ELMO1: variants seen among roughly 807,000 people sequenced by gnomAD.
The protein encoded by ELMO1 is engulfment and cell motility 1.
A neutral mutation model predicts 98.9 loss-of-function variants in ELMO1; 26 were observed. The ratio of observed to expected loss-of-function variants is 0.26; its 90% CI spans 0.19 to 0.36. The LOEUF (loss-of-function observed/expected upper bound fraction) is 0.36, where lower values mean the gene tolerates loss of function less well. Ranked by LOEUF, ELMO1 falls within the 10% of genes least tolerant of loss-of-function variation. ELMO1 has a pLI of 1.00. For synonymous variants in ELMO1, 346 were observed against 346.0 expected, an observed-to-expected ratio of 1.00 and a Z score of 0.00; for missense variants, 627 against 935.2, an observed-to-expected ratio of 0.67 and a Z score of 4.30.
chr7:37,398,459 G>C (rs949409450), intron 1 of ELMO1, among the ~76,000 whole-genome samples: 2 of 152,200 alleles, frequency 1.3e-5, no homozygotes, highest in Non-Finnish European at 2.9e-5. Flanking sequence ...GCAACTCAGG[G>C]AGGAACCAGA....
rs138709362 is a variant in ELMO1, at chr7:37,254,147, C to A, written c.413+5034G>T. Among the ~76,000 whole-genome samples the A allele has an allele frequency of 8.1e-3, 1,233 of 152,254 alleles. 19 individuals carry two copies. The highest frequency in any genetic ancestry group is 0.029 in the African/African-American group (1,188 of 41,544). On this transcript the variant is annotated intron_variant, in intron 6 of 21. Transcript: ENST00000310758. ...GGACCAGCAGAAGGAAGGCAGGAGG[C>A]CTTGCAACTCCAGTCCCTCCTTCCT...
intron 1 of ELMO1, among the ~76,000 whole-genome samples, chr7:37,396,417 T>A (rs762865096): frequency 5.3e-5 from 8 of 151,982 alleles, no homozygotes; most frequent in Non-Finnish European, 1.0e-4. Flanking sequence ...AAAAAATGTA[T>A]AATGCATGTC....
At position 37,221,978 on chromosome 7, in the gene ELMO1, G is replaced by T. The variant is rs563098309; in HGVS notation, c.780+637C>A. ...TTCCCAAAGGGCTGGGACTACAGGTGTGAGCCACCGCACCCGGCTCTTTTT... is the reference window on the plus strand; with the variant it reads ...TTCCCAAAGGGCTGGGACTACAGGTTTGAGCCACCGCACCCGGCTCTTTTT... On this transcript the variant is annotated intron_variant, in intron 10 of 21. Transcript: ENST00000310758. Among the ~76,000 whole-genome samples the T allele has an allele frequency of 2.6e-5, 4 of 152,320 alleles. No individual in the cohort carries two copies. The South Asian group carries it at 8.3e-4, about 32-fold the overall frequency.
intron 16 of ELMO1, among the ~76,000 whole-genome samples, chr7:36,990,933 G>T (rs975422557): frequency 3.9e-5 from 6 of 152,036 alleles, no homozygotes; most frequent in African/African-American, 1.4e-4. Flanking sequence ...GCAGATGAAG[G>T]GATTCCATTT....
chr7:36,904,049 G>A (rs1783782281), intron 16 of ELMO1, among the ~76,000 whole-genome samples: 1 of 152,208 alleles, frequency 6.6e-6, no homozygotes, highest in Non-Finnish European at 1.5e-5. Context: ...CCTGGATCAG[G>A]CACTGTGTAG....
intron 4 of ELMO1, among the ~76,000 whole-genome samples, chr7:37,293,383 C>A (rs1161163939): frequency 1.0e-5 from 1 of 96,906 alleles, no homozygotes; most frequent in African/African-American, 3.1e-5. Context: ...AAGAAAAATT[C>A]TTCTGCCTTG....
intron 1 of ELMO1, among the ~76,000 whole-genome samples, chr7:37,386,870 T>G (rs1329900371): frequency 1.3e-5 from 2 of 152,234 alleles, no homozygotes; most frequent in Non-Finnish European, 2.9e-5. Context: ...TTATTAGCCT[T>G]GCATGCACAT....
At chr7:37,163,386 A>G (rs1199310437) in intron 13 of ELMO1, among the ~76,000 whole-genome samples, 6 of 151,664 alleles carry the variant, frequency 4.0e-5, no homozygotes, top group Non-Finnish European at 8.8e-5. Flanking sequence ...GTACATGTGC[A>G]CAATGTGCAG....
chr7:36,951,934 G>A (rs745761954), intron 16 of ELMO1, among the ~76,000 whole-genome samples: 21 of 152,196 alleles, frequency 1.4e-4, no homozygotes, highest in Non-Finnish European at 1.5e-4. Context: ...ATGATTAAAT[G>A]AAGGGGGGTT....
intron 13 of ELMO1, among the ~76,000 whole-genome samples, chr7:37,168,912 CTT>C: frequency 6.6e-6 from 1 of 152,208 alleles, no homozygotes; most frequent in Non-Finnish European, 1.5e-5. Flanking sequence ...TTACCGCTGT[CTT>C]TTTGTTTGTC....
chr7:37,389,501 C>T (rs929630347), intron 1 of ELMO1, among the ~76,000 whole-genome samples: 18 of 152,292 alleles, frequency 1.2e-4, no homozygotes, highest in Non-Finnish European at 1.5e-4. Context: ...TTTCCTCTAG[C>T]GGAAGCAATG....
At chr7:37,254,603 AC>A (rs1795541655) in intron 6 of ELMO1, among the ~76,000 whole-genome samples, 1 of 152,192 alleles carries the variant, frequency 6.6e-6, no homozygotes, top group Non-Finnish European at 1.5e-5. Context: ...CAATGGTAAC[AC>A]AATAGCAAAT....
intron 1 of ELMO1, among the ~76,000 whole-genome samples, chr7:37,348,509 G>A (rs991340899): frequency 2.0e-5 from 3 of 151,936 alleles, no homozygotes; most frequent in African/African-American, 4.8e-5. Flanking sequence ...CTATCACCTC[G>A]ATATGCATGT....
intron 1 of ELMO1, among the ~76,000 whole-genome samples, chr7:37,374,221 C>A (rs1445926978): frequency 6.6e-6 from 1 of 152,190 alleles, no homozygotes; most frequent in African/African-American, 2.4e-5. Context: ...TGAGTCCTAG[C>A]TGAACATCAG....
intron 16 of ELMO1, among the ~76,000 whole-genome samples, chr7:36,980,101 C>T (rs763343143): frequency 3.4e-4 from 51 of 152,186 alleles, no homozygotes; most frequent in Non-Finnish European, 4.1e-4. Flanking sequence ...GGCTGCAGCC[C>T]TCCTTGTCAG....
At chr7:36,948,348 C>A (rs996896252) in intron 16 of ELMO1, among the ~76,000 whole-genome samples, 11 of 152,120 alleles carry the variant, frequency 7.2e-5, no homozygotes, top group Non-Finnish European at 1.5e-4. Context: ...ACTCCTTCAA[C>A]CAAAGTCCGG....
intron 15 of ELMO1, among the ~76,000 whole-genome samples, chr7:37,057,070 G>C (rs1315625218): frequency 6.6e-6 from 1 of 152,136 alleles, no homozygotes; most frequent in Non-Finnish European, 1.5e-5. Flanking sequence ...ATGAGGAAGA[G>C]GGGGCTTAAC....
At chr7:37,121,824 A>G (rs550003604) in intron 14 of ELMO1, among the ~76,000 whole-genome samples, 1 of 152,228 alleles carries the variant, frequency 6.6e-6, no homozygotes, top group East Asian at 1.9e-4. Flanking sequence ...CACATAATAC[A>G]CATAATTGTC....
chr7:36,979,506 C>T (rs980440326), intron 16 of ELMO1, among the ~76,000 whole-genome samples: 9 of 152,262 alleles, frequency 5.9e-5, no homozygotes, highest in East Asian at 5.8e-4. Flanking sequence ...AGATATTTGA[C>T]GCTGGCTCAG....
Sources: gnomAD v4.1 joint callset for allele counts (sites outside exome capture counted in the v4.1 genomes callset) on GRCh38, gnomAD v4.1.1 for gene constraint, MANE v1.5 for transcripts, NCBI Gene and HGNC (gene_info 2026-07-23, HGNC 2026-07-21) for gene names.